The following STT3B variants were observed in gnomAD, a reference collection of about 807,000 sequenced individuals.
STT3B encodes the protein dolichyl-diphosphooligosaccharide--protein glycosyltransferase subunit STT3B.
In STT3B, 29 loss-of-function variants were observed where a neutral mutation model predicts 96.8. The observed-to-expected ratio is 0.30, with a 90% CI of 0.22 to 0.41. The LOEUF (loss-of-function observed/expected upper bound fraction) is 0.41. Ranked by LOEUF, STT3B falls within the 10% of genes least tolerant of loss-of-function variation. The pLI is 1.00. For missense variants in STT3B, 640 were observed against 1,022.3 expected, an observed-to-expected ratio of 0.63 and a Z score of 5.10; for synonymous variants, 367 against 360.0, an observed-to-expected ratio of 1.02 and a Z score of -0.22.
At chr3:31,562,731 C>T (rs189644829) in intron 1 of STT3B, among the ~76,000 whole-genome samples, 6 of 152,254 alleles carry the variant, frequency 3.9e-5, no homozygotes, top group African/African-American at 1.2e-4. Flanking sequence ...TTGTCCTTAG[C>T]GCAGGTAAAA....
At chr3:31,561,231 C>T (rs1229793566) in intron 1 of STT3B, among the ~76,000 whole-genome samples, 4 of 148,000 alleles carry the variant, frequency 2.7e-5, no homozygotes, top group African/African-American at 1.0e-4. Context: ...AATTTGAGTT[C>T]TTTTTCTGGG....
intron 5 of STT3B, among the ~76,000 whole-genome samples, chr3:31,603,897 AT>A (rs1280321187): frequency 2.6e-5 from 4 of 151,980 alleles, no homozygotes; most frequent in Non-Finnish European, 5.9e-5. Context: ...ATTACCAGTG[AT>A]TTTTTTTCAT....
rs375284190 is a variant in STT3B, at chr3:31,579,747, T to C, written c.424-62T>C. The C allele has an allele frequency of 8.6e-5, 111 of 1,291,280 alleles. No homozygotes were observed. In the African/African-American group the frequency reaches 1.4e-3, roughly 16 times the overall value. 80.0% of individuals were successfully genotyped at this position (1,291,280 alleles called of 1,614,324 possible). On this transcript the variant is annotated intron_variant, in intron 2 of 15. Transcript: ENST00000295770. Reference sequence around the variant, plus strand: ...ACAAAATGTAATGATGAAGAGTACATACATTAATATTTTTGTGTCTCATTT... The same window carrying C: ...ACAAAATGTAATGATGAAGAGTACACACATTAATATTTTTGTGTCTCATTT...
chr3:31,578,397 G>A (rs1237875664), intron 2 of STT3B, among the ~76,000 whole-genome samples: 1 of 151,966 alleles, frequency 6.6e-6, no homozygotes, highest in African/African-American at 2.4e-5. Flanking sequence ...TCTTGAGCTT[G>A]ATTATGCTTT....
At chr3:31,580,357 C>G (rs1244980843) in intron 3 of STT3B, among the ~76,000 whole-genome samples, 1 of 151,994 alleles carries the variant, frequency 6.6e-6, no homozygotes, top group East Asian at 1.9e-4. Context: ...ATTTTTGTTT[C>G]TTTGTTTTGG....
intron 4 of STT3B, among the ~76,000 whole-genome samples, chr3:31,598,099 G>C (rs1698834726): frequency 6.6e-6 from 1 of 152,042 alleles, no homozygotes; most frequent in Non-Finnish European, 1.5e-5. Context: ...GCCTCCCAAA[G>C]TGCTGGGATT....
chr3:31,624,894 A>C lies in STT3B; in HGVS notation c.1728-20A>C. The stretch of plus-strand genomic sequence containing the variant: ...ACATTTGTGACATCTCATTTAAAAG[A>C]GTATTGTGATTCTTTTCAGCACCAG... On this transcript the variant is annotated intron_variant, in intron 11 of 15. Transcript: ENST00000295770. 1 of 1,595,244 alleles carries C rather than the reference A, an allele frequency of 6.3e-7. No homozygotes were observed. The highest frequency in any genetic ancestry group is 1.1e-5 in the South Asian group (1 of 89,194).
At chr3:31,559,263 T>C (rs887612991) in intron 1 of STT3B, among the ~76,000 whole-genome samples, 1 of 151,196 alleles carries the variant, frequency 6.6e-6, no homozygotes, top group African/African-American at 2.4e-5. Context: ...GTTTGTTCTT[T>C]TCTAGCTCCT....
At position 31,623,676 on chromosome 3, in the gene STT3B, A is replaced by C; in HGVS notation, c.1542A>C (p.Ala514=). 1 of 1,604,812 alleles carries C rather than the reference A, an allele frequency of 6.2e-7. No homozygotes were observed. Among genetic ancestry groups the C allele is most frequent in the Non-Finnish European group, 8.5e-7 (1 of 1,174,148 alleles). ...ACCAATTTTTTTAATATCTTTAGGC[A>C]GGTAAAGTGAGGAAACATGCAACTG... is the stretch of plus-strand genomic sequence containing the variant. ...KRNQGNLYDK[A]GKVRKHATEQ... The change falls in exon 11 of 16, where the codon GCA becomes GCC. Residue 514 remains alanine (A), a splice_region_variant and synonymous_variant. Transcript: ENST00000295770.
intron 1 of STT3B, among the ~76,000 whole-genome samples, chr3:31,549,429 A>G (rs1264494563): frequency 7.4e-6 from 1 of 134,304 alleles, no homozygotes; most frequent in East Asian, 2.4e-4. Flanking sequence ...ATTTTAGTTT[A>G]CCTTGTGCTG....
At chr3:31,583,945 G>T (rs1297263581) in intron 3 of STT3B, among the ~76,000 whole-genome samples, 2 of 152,036 alleles carry the variant, frequency 1.3e-5, no homozygotes, top group African/African-American at 2.4e-5. Flanking sequence ...AATTTTTGTT[G>T]TTGTTGTTGC....
intron 1 of STT3B, among the ~76,000 whole-genome samples, chr3:31,562,618 C>A (rs2125445345): frequency 6.6e-6 from 1 of 152,246 alleles, no homozygotes; most frequent in South Asian, 2.1e-4. Context: ...GGGTTGCTTT[C>A]CTTCAGAGTA....
intron 5 of STT3B, among the ~76,000 whole-genome samples, chr3:31,605,080 T>C (rs1699018274): frequency 6.6e-6 from 1 of 152,204 alleles, no homozygotes; most frequent in Non-Finnish European, 1.5e-5. Flanking sequence ...TTGCTTTTGT[T>C]GTTGATGTTA....
chr3:31,622,234 A>G lies in STT3B; in HGVS notation c.1465A>G (p.Lys489Glu). 1 of 1,614,142 alleles carries G rather than the reference A, an allele frequency of 6.2e-7. No homozygotes were observed. Among genetic ancestry groups the G allele is most frequent in the Non-Finnish European group, 8.5e-7 (1 of 1,179,990 alleles). The change falls in exon 10 of 16, where the codon AAA becomes GAA. Residue 489 changes from lysine to glutamate, a missense_variant. Physicochemically the swap from Lys to Glu is moderately conservative, Grantham distance 56. Around this residue, in one of 8 missense-constraint regions of STT3B, gnomAD observed 149 missense variants for 250.2 expected, o/e 0.60. Transcript: ENST00000295770. ...TGAGCACTATTTGGGGGATGACATG[A>G]AAAGGGAAAATCCACCTGTGGAGGA... ...VFEHYLGDDM[K>E]RENPPVEDSS...
chr3:31,586,216 G>A (rs531564247), intron 3 of STT3B, among the ~76,000 whole-genome samples: 8 of 152,072 alleles, frequency 5.3e-5, no homozygotes, highest in Non-Finnish European at 1.0e-4. Flanking sequence ...ATCTTTTCAC[G>A]TATTTATTTG....
intron 1 of STT3B, among the ~76,000 whole-genome samples, chr3:31,575,168 A>G (rs1698238014): frequency 6.6e-6 from 1 of 152,140 alleles, no homozygotes; most frequent in Non-Finnish European, 1.5e-5. Context: ...TGAAGAAACT[A>G]GAATGCAGAG....
intron 1 of STT3B, among the ~76,000 whole-genome samples, chr3:31,572,103 T>TATATTAATATATAAGTATTAATATATTAA (rs1397627259): frequency 1.2e-4 from 16 of 133,486 alleles, no homozygotes; most frequent in African/African-American, 4.7e-4. Flanking sequence ...AGATATTAAA[T>TATATTAATATATAAGTATTAATATATTAA]ATATATATTA....
chr3:31,619,167 G>A (rs1439112876), intron 8 of STT3B, among the ~76,000 whole-genome samples: 1 of 152,048 alleles, frequency 6.6e-6, no homozygotes, highest in Non-Finnish European at 1.5e-5. Context: ...TCATGAACTT[G>A]TTGAGCACCA....
intron 1 of STT3B, among the ~76,000 whole-genome samples, chr3:31,561,036 AG>A (rs557123232): frequency 1.5e-4 from 23 of 151,872 alleles, no homozygotes; most frequent in Non-Finnish European, 2.9e-4. Flanking sequence ...CTGTCATTGA[AG>A]GTTTCATATA....
Sources: allele counts gnomAD v4.1 joint callset (sites outside exome capture counted in the v4.1 genomes callset), GRCh38; gene constraint gnomAD v4.1.1; regional missense constraint gnomAD v4.1.1; transcripts MANE v1.5; gene names NCBI Gene and HGNC (gene_info 2026-07-23, HGNC 2026-07-21).